Variants in BRIP1 observed in about 807,000 individuals in gnomAD.
The protein encoded by BRIP1 is BRCA1 interacting DNA helicase 1.
Under a neutral mutation model 119.7 loss-of-function variants are expected in BRIP1, and 88 were observed. The observed-to-expected ratio is 0.74, with a 90% CI of 0.62 to 0.88. The LOEUF (loss-of-function observed/expected upper bound fraction) is 0.88. BRIP1 is among the 40% of genes least tolerant of loss of function. The pLI is 0.00. For missense variants in BRIP1, 1,259 were observed against 1,455.4 expected (o/e 0.87, Z 2.20); for synonymous variants, 443 against 496.5 (o/e 0.89, Z 1.43).
Position 61,824,232 on chromosome 17 carries a change from C to T in BRIP1, c.628-15475G>A, listed in dbSNP as rs866060187. The stretch of plus-strand genomic sequence containing the variant: ...GAAAATGTGAACCTAAACTTCAATA[C>T]CCAGTGAAAATGTGTTTCAAAACAA... On this transcript the variant is annotated intron_variant, in intron 6 of 19. Coordinates refer to ENST00000259008, the MANE Select transcript of BRIP1 (RefSeq NM_032043.3). The surrounding 1 kb of genome is among the most constrained non-coding windows in gnomAD (Gnocchi z 4.3). 3.3e-5 allele frequency among the ~76,000 whole-genome samples: 5 copies of T among 152,162 alleles called. No individual in the cohort carries two copies. Among genetic ancestry groups the T allele is most frequent in the African/African-American group, 1.2e-4 (5 of 41,442 alleles).
Position 61,705,690 on chromosome 17 carries a change from C to T in BRIP1, c.2492+10261G>A, listed in dbSNP as rs2061681432. 1.3e-5 allele frequency among the ~76,000 whole-genome samples: 2 copies of T among 152,088 alleles called. No homozygotes were observed. The highest frequency in any genetic ancestry group is 1.3e-4 in the Admixed American group (2 of 15,258). Reference sequence around the variant, plus strand: ...TTTTCCTAAAATAAGCATTTAATGACATAAATATCCATCTGAGCACTGCTT... The same window carrying T: ...TTTTCCTAAAATAAGCATTTAATGATATAAATATCCATCTGAGCACTGCTT... On this transcript the variant is annotated intron_variant, in intron 17 of 19. Coordinates refer to ENST00000259008, the MANE Select transcript of BRIP1 (RefSeq NM_032043.3). This position sits in a 1 kb window ranked among gnomAD's most constrained non-coding sequence, Gnocchi z 5.0.
chr17:61,853,217 T>G lies in BRIP1; in HGVS notation c.379+3841A>C, dbSNP rs549704548. ...TATTAAGCAGAAGACAGACACAAGA[T>G]TACATATATAATTCCATTTTTTTTT... On this transcript the variant is annotated intron_variant, in intron 4 of 19. Transcript: ENST00000259008. This position sits in a 1 kb window ranked among gnomAD's most constrained non-coding sequence, Gnocchi z 4.3. Among the ~76,000 whole-genome samples, 1 of 150,836 alleles carries G rather than the reference T, an allele frequency of 6.6e-6. No individual in the cohort carries two copies. Among genetic ancestry groups the G allele is most frequent in the East Asian group, 2.1e-4 (1 of 4,838 alleles).
rs2077403672 is a variant in BRIP1, at chr17:61,768,582, T to C, written c.2097+7819A>G. On this transcript the variant is annotated intron_variant, in intron 14 of 19. Coordinates refer to ENST00000259008, the MANE Select transcript of BRIP1 (RefSeq NM_032043.3). The surrounding 1 kb of genome is among the most constrained non-coding windows in gnomAD (Gnocchi z 5.0). The stretch of plus-strand genomic sequence containing the variant: ...AATATCATTTCACTTCTATTAATAT[T>C]TTCATATGCCATAGTCACAAATCTT... 6.6e-6 allele frequency among the ~76,000 whole-genome samples: 1 copy of C among 152,168 alleles called. No homozygotes were observed. The highest frequency in any genetic ancestry group is 1.5e-5 in the Non-Finnish European group (1 of 68,030).
Position 61,734,656 on chromosome 17 carries a change from G to A in BRIP1, c.2379+8357C>T, listed in dbSNP as rs1007262565. On this transcript the variant is annotated intron_variant, in intron 16 of 19. Transcript: ENST00000259008. This position sits in a 1 kb window ranked among gnomAD's most constrained non-coding sequence, Gnocchi z 5.2. ...TACTTTCTAGTCCCTAAGGTGGGAA[G>A]AGGAAATCCTGGTCACAGCCAAAGG... 4.6e-5 allele frequency among the ~76,000 whole-genome samples: 7 copies of A among 152,194 alleles called. No individual in the cohort carries two copies. The highest frequency in any genetic ancestry group is 8.8e-5 in the Non-Finnish European group (6 of 68,030).
rs547414373 is a variant in BRIP1, at chr17:61,754,572, A to C, written c.2098-9981T>G. 6.6e-6 allele frequency among the ~76,000 whole-genome samples: 1 copy of C among 152,298 alleles called. No individual in the cohort carries two copies. Among genetic ancestry groups the C allele is most frequent in the East Asian group, 1.9e-4 (1 of 5,182 alleles). On this transcript the variant is annotated intron_variant, in intron 14 of 19. Coordinates refer to ENST00000259008, the MANE Select transcript of BRIP1 (RefSeq NM_032043.3). This position sits in a 1 kb window ranked among gnomAD's most constrained non-coding sequence, Gnocchi z 4.1. The stretch of plus-strand genomic sequence containing the variant: ...AGTCCCCTCAGGCTACCACACAAAA[A>C]TATCAGACTGAATGGCTTAAACAAA...
rs2076927020 is a variant in BRIP1 at position 61,736,987 on chromosome 17, A to G, written c.2379+6026T>C. On this transcript the variant is annotated intron_variant, in intron 16 of 19. Transcript: ENST00000259008. This position sits in a 1 kb window ranked among gnomAD's most constrained non-coding sequence, Gnocchi z 4.4. Reference sequence around the variant, plus strand: ...ACTAACAGCCACACAAAGTATAAAGATGGAATCTGTGACAATAACAATATA... The same window carrying G: ...ACTAACAGCCACACAAAGTATAAAGGTGGAATCTGTGACAATAACAATATA... 6.6e-6 allele frequency among the ~76,000 whole-genome samples: 1 copy of G among 152,204 alleles called. No homozygotes were observed. The highest frequency in any genetic ancestry group is 1.5e-5 in the Non-Finnish European group (1 of 68,012).
rs140965501 is a variant in BRIP1 at position 61,807,455 on chromosome 17, G to A, written c.918+1012C>T. ...CTTACTACTTATACTTTATAATCTC[G>A]TTTGAATATCTGTTAAAGTATCTTT... On this transcript the variant is annotated intron_variant, in intron 7 of 19. Transcript: ENST00000259008. This position sits in a 1 kb window ranked among gnomAD's most constrained non-coding sequence, Gnocchi z 4.5. Among the ~76,000 whole-genome samples the A allele has an allele frequency of 4.2e-3, 644 of 152,148 alleles. 2 individuals carry two copies. Among genetic ancestry groups the A allele is most frequent in the South Asian group, 7.3e-3 (35 of 4,822 alleles).
rs1173373684 is a variant in BRIP1, at chr17:61,825,112, C to T, written c.628-16355G>A. Among the ~76,000 whole-genome samples, 2 of 151,890 alleles carry T rather than the reference C, an allele frequency of 1.3e-5. No homozygotes were observed. The highest frequency in any genetic ancestry group is 2.9e-5 in the Non-Finnish European group (2 of 67,974). On this transcript the variant is annotated intron_variant, in intron 6 of 19. Coordinates refer to ENST00000259008, the MANE Select transcript of BRIP1 (RefSeq NM_032043.3). This position sits in a 1 kb window ranked among gnomAD's most constrained non-coding sequence, Gnocchi z 4.1. ...CATCCTAGCTAACATGGTGAAATCC[C>T]GTCTCTACTAAAAATACAAAAAATT...
intron 6 of BRIP1, among the ~76,000 whole-genome samples, chr17:61,820,299 C>CT (rs2078301191): frequency 6.6e-6 from 1 of 152,168 alleles, no homozygotes; most frequent in Admixed American, 6.5e-5. Flanking sequence ...AATAAACTTA[C>CT]TTAGTAGCTG....
rs747568830 is a variant in BRIP1, at chr17:61,743,062, C to G, written c.2330G>C (p.Arg777Pro). 3.7e-6 allele frequency: 6 copies of G among 1,613,920 alleles called. No homozygotes were observed. The highest frequency in any genetic ancestry group is 4.2e-6 in the Non-Finnish European group (5 of 1,179,896). Residue 777 changes from arginine (R) to proline (P), a missense_variant, in exon 16 of 20, where the codon CGT becomes CCT. Transcript: ENST00000259008. This position sits in a 1 kb window ranked among gnomAD's most constrained non-coding sequence, Gnocchi z 4.3. The part of the protein sequence containing the change: ...EGLDFSDDNA[R>P]AVITIGIPFP... The stretch of plus-strand genomic sequence containing the variant: ...AGGAATTCCTATTGTTATGACAGCA[C>G]GGGCATTGTCATCTGAGAAATCCAG...
chr17:61,787,693 G>C (rs2077752272), intron 10 of BRIP1, among the ~76,000 whole-genome samples: 1 of 151,770 alleles, frequency 6.6e-6, no homozygotes. Context: ...CGCCCAGGCT[G>C]GACTGCAGTG....
Position 61,743,027 on chromosome 17 carries a change from C to T in BRIP1, c.2365G>A (p.Val789Met), listed in dbSNP as rs876661097. The change falls in exon 16 of 20, where the codon GTG becomes ATG. Residue 789 changes from valine (V) to methionine (M), a missense_variant. By Grantham distance (21) the Val-to-Met change is conservative. Transcript: ENST00000259008. This position sits in a 1 kb window ranked among gnomAD's most constrained non-coding sequence, Gnocchi z 4.3. ...VITIGIPFPN[V>M]KDLQVELKRQ... ...TGATGGCCTACCTGTAGATCTTTCA[C>T]ATTTGGAAAAGGAATTCCTATTGTT... 2 of 1,613,936 alleles carry T rather than the reference C, an allele frequency of 1.2e-6. No individual in the cohort carries two copies. Among genetic ancestry groups the T allele is most frequent in the South Asian group, 1.1e-5 (1 of 91,078 alleles).
At position 61,846,731 on chromosome 17, in the gene BRIP1, A is replaced by C. The variant is rs1369584281; in HGVS notation, c.627+370T>G. Among the ~76,000 whole-genome samples the C allele has an allele frequency of 6.6e-6, 1 of 152,132 alleles. No homozygotes were observed. The highest frequency in any genetic ancestry group is 2.4e-5 in the African/African-American group (1 of 41,424). Reference sequence around the variant, plus strand: ...TACAAAAATAATTTTCACCTCACAGATCACTCCCCAAAAAAATCTCAATAT... The same window carrying C: ...TACAAAAATAATTTTCACCTCACAGCTCACTCCCCAAAAAAATCTCAATAT... On this transcript the variant is annotated intron_variant, in intron 6 of 19. Transcript: ENST00000259008. The surrounding 1 kb of genome is among the most constrained non-coding windows in gnomAD (Gnocchi z 4.3).
chr17:61,743,739 G>C lies in BRIP1; in HGVS notation c.2258-605C>G, dbSNP rs368139109. 6.6e-6 allele frequency among the ~76,000 whole-genome samples: 1 copy of C among 152,034 alleles called. No individual in the cohort carries two copies. Among genetic ancestry groups the C allele is most frequent in the Non-Finnish European group, 1.5e-5 (1 of 68,012 alleles). On this transcript the variant is annotated intron_variant, in intron 15 of 19. Coordinates refer to ENST00000259008, the MANE Select transcript of BRIP1 (RefSeq NM_032043.3). The surrounding 1 kb of genome is among the most constrained non-coding windows in gnomAD (Gnocchi z 4.3). ...GTCTCACTCTGTCAGCCAGGCTGGA[G>C]TGCAGTGGCACAATCACAGCTCACT...
chr17:61,688,558 G>A (rs1189048897), intron 18 of BRIP1, among the ~76,000 whole-genome samples: 1 of 152,060 alleles, frequency 6.6e-6, no homozygotes, highest in Non-Finnish European at 1.5e-5. Flanking sequence ...CACGGAAAAG[G>A]TTTGAGAGGC....
chr17:61,744,358 A>G lies in BRIP1; in HGVS notation c.2257+74T>C, dbSNP rs1159852931. The stretch of plus-strand genomic sequence containing the variant: ...TTAAGTGTAATTCATCTAAAAATAT[A>G]AAATTATAATTGTACCTTCTTACTT... On this transcript the variant is annotated intron_variant, in intron 15 of 19. Coordinates refer to ENST00000259008, the MANE Select transcript of BRIP1 (RefSeq NM_032043.3). This position sits in a 1 kb window ranked among gnomAD's most constrained non-coding sequence, Gnocchi z 5.0. The G allele has an allele frequency of 2.7e-6, 4 of 1,482,282 alleles. No individual in the cohort carries two copies. In the South Asian group the frequency reaches 3.6e-5, roughly 13 times the overall value. 91.8% of individuals were successfully genotyped at this position (1,482,282 alleles called of 1,614,324 possible). A position where few individuals can be genotyped will look rare whatever the true frequency, so the allele number is the denominator to read the frequency against.
rs945635426 is a variant in BRIP1 at position 61,759,474 on chromosome 17, G to A, written c.2098-14883C>T. Among the ~76,000 whole-genome samples the A allele has an allele frequency of 1.3e-5, 2 of 152,098 alleles. No individual in the cohort carries two copies. Among genetic ancestry groups the A allele is most frequent in the Non-Finnish European group, 2.9e-5 (2 of 68,002 alleles). On this transcript the variant is annotated intron_variant, in intron 14 of 19. Transcript: ENST00000259008. The surrounding 1 kb of genome is among the most constrained non-coding windows in gnomAD (Gnocchi z 4.9). ...AGAGATAGATTCTAATACAATAATA[G>A]TAGGAGACATTGATACCCCACTTTC... is the stretch of plus-strand genomic sequence containing the variant.
chr17:61,860,897 GCA>G lies in BRIP1; in HGVS notation c.93+548_93+549del, dbSNP rs1304451995. ...AAGTAAGGTACCGTATCACATCAAT[GCA>G]CAGTTTCAAATATGTAAAATAATAT... On this transcript the variant is annotated intron_variant, in intron 2 of 19. Coordinates refer to ENST00000259008, the MANE Select transcript of BRIP1 (RefSeq NM_032043.3). This position sits in a 1 kb window ranked among gnomAD's most constrained non-coding sequence, Gnocchi z 4.1. 2.0e-5 allele frequency among the ~76,000 whole-genome samples: 3 copies of G among 152,178 alleles called. No homozygotes were observed. The highest frequency in any genetic ancestry group is 4.1e-4 in the South Asian group (2 of 4,822).
At position 61,726,720 on chromosome 17, in the gene BRIP1, T is replaced by A. The variant is rs192416342; in HGVS notation, c.2380-10657A>T. ...AATAACTTCTACAATTGATCTTAAATTTTCTAAGAAATTTTAGCTAACATT... is the reference window on the plus strand; with the variant it reads ...AATAACTTCTACAATTGATCTTAAAATTTCTAAGAAATTTTAGCTAACATT... On this transcript the variant is annotated intron_variant, in intron 16 of 19. Transcript: ENST00000259008. The surrounding 1 kb of genome is among the most constrained non-coding windows in gnomAD (Gnocchi z 6.2). 7.4e-3 allele frequency among the ~76,000 whole-genome samples: 1,122 copies of A among 152,288 alleles called. 12 individuals carry two copies. Among genetic ancestry groups the A allele is most frequent in the African/African-American group, 0.026 (1,063 of 41,558 alleles).
Sources: gnomAD v4.1 joint callset for allele counts (sites outside exome capture counted in the v4.1 genomes callset) on GRCh38, gnomAD v4.1.1 for gene constraint, Gnocchi (gnomAD v3.1) non-coding constraint, MANE v1.5 for transcripts, NCBI Gene and HGNC (gene_info 2026-07-23, HGNC 2026-07-21) for gene names.